The following AGBL4 variants were observed in gnomAD, a reference collection of about 807,000 sequenced individuals.
AGBL4 encodes the protein cytosolic carboxypeptidase 6.
A neutral mutation model predicts 66.4 loss-of-function variants in AGBL4; 58 were observed. That is an observed-to-expected ratio of 0.87 (90% CI 0.71 to 1.09). The LOEUF is 1.09. AGBL4 is among the 50% of genes least tolerant of loss of function. The pLI, the probability that AGBL4 is intolerant of heterozygous loss-of-function variation, is 0.00. For synonymous variants in AGBL4, 234 were observed against 222.9 expected (o/e 1.05, Z -0.44); for missense variants, 579 against 631.0 (o/e 0.92, Z 0.88).
intron 6 of AGBL4, among the ~76,000 whole-genome samples, chr1:48,724,902 G>C (rs1647207342): frequency 6.6e-6 from 1 of 152,052 alleles, no homozygotes; most frequent in Non-Finnish European, 1.5e-5. Flanking sequence ...ATTGATTCAG[G>C]TCCTGCCAAT....
intron 3 of AGBL4, among the ~76,000 whole-genome samples, chr1:49,504,386 C>A (rs190272151): frequency 1.3e-5 from 2 of 152,196 alleles, no homozygotes; most frequent in East Asian, 3.9e-4. Context: ...CACATTTGAT[C>A]TTAAGTATAG....
chr1:48,843,470 ACCAC>A (rs1646848383), intron 6 of AGBL4, among the ~76,000 whole-genome samples: 1 of 152,112 alleles, frequency 6.6e-6, no homozygotes, highest in Admixed American at 6.6e-5. Context: ...CTGGCCCATG[ACCAC>A]CTGTTTTTGT....
intron 1 of AGBL4, among the ~76,000 whole-genome samples, chr1:49,946,040 G>C (rs1655176014): frequency 6.6e-6 from 1 of 151,876 alleles, no homozygotes; most frequent in South Asian, 2.1e-4. Flanking sequence ...CCTAGCATTA[G>C]AGCTCCCAAA....
chr1:49,946,735 C>CA (rs200152685), intron 1 of AGBL4, among the ~76,000 whole-genome samples: 1 of 150,898 alleles, frequency 6.6e-6, no homozygotes, highest in African/African-American at 2.4e-5. Flanking sequence ...TTAAAACAAA[C>CA]AAAAAAATAT....
At position 49,988,773 on chromosome 1, in the gene AGBL4, T is replaced by C. The variant is rs1046224817; in HGVS notation, c.34+34990A>G. 3.3e-5 allele frequency among the ~76,000 whole-genome samples: 5 copies of C among 152,112 alleles called. No homozygotes were observed. The South Asian group carries it at 1.0e-3, about 31-fold the overall frequency. On this transcript the variant is annotated intron_variant, in intron 1 of 13. Coordinates refer to ENST00000371839, the MANE Select transcript of AGBL4 (RefSeq NM_032785.4). ...GCTATAAAAATCACTTCAATCCCAATGTAAATTCTCTGTAAACTCCATCCC... is the reference window on the plus strand; with the variant it reads ...GCTATAAAAATCACTTCAATCCCAACGTAAATTCTCTGTAAACTCCATCCC...
chr1:48,792,671 T>G (rs1645579199), intron 6 of AGBL4, among the ~76,000 whole-genome samples: 1 of 152,134 alleles, frequency 6.6e-6, no homozygotes, highest in Non-Finnish European at 1.5e-5. Flanking sequence ...AGCTGATACC[T>G]CAAGGATGAG....
At chr1:48,615,884 G>A (rs1481357457) in intron 9 of AGBL4, among the ~76,000 whole-genome samples, 1 of 152,188 alleles carries the variant, frequency 6.6e-6, no homozygotes, top group Non-Finnish European at 1.5e-5. Context: ...TTCAGTGTCT[G>A]GTGAGGACCT....
intron 3 of AGBL4, among the ~76,000 whole-genome samples, chr1:49,634,762 G>A (rs986020410): frequency 1.3e-4 from 20 of 152,198 alleles, no homozygotes; most frequent in Admixed American, 1.1e-3. Context: ...CATTCTAACC[G>A]GCATGAGATG....
chr1:49,711,047 G>C (rs1409078073), intron 2 of AGBL4, among the ~76,000 whole-genome samples: 1 of 151,938 alleles, frequency 6.6e-6, no homozygotes, highest in Non-Finnish European at 1.5e-5. Flanking sequence ...CACACCCATA[G>C]AATAGCTAAA....
rs908169346 is a variant in AGBL4, at chr1:49,908,443, C to T, written c.35-56925G>A. Among the ~76,000 whole-genome samples, 4 of 152,174 alleles carry T rather than the reference C, an allele frequency of 2.6e-5. No homozygotes were observed. In the East Asian group the frequency reaches 7.7e-4, roughly 29 times the overall value. ...AGTACTCGGCACCCTCCTCCCCCTT[C>T]CTCTCTATTGTTCCATGTGACATGC... On this transcript the variant is annotated intron_variant, in intron 1 of 13. Coordinates refer to ENST00000371839, the MANE Select transcript of AGBL4 (RefSeq NM_032785.4).
intron 4 of AGBL4, among the ~76,000 whole-genome samples, chr1:49,184,481 A>C (rs1388475821): frequency 6.6e-6 from 1 of 152,144 alleles, no homozygotes; most frequent in East Asian, 1.9e-4. Flanking sequence ...AAATGAGGAA[A>C]AGTACCGTCA....
chr1:48,961,426 T>G (rs983014405), intron 5 of AGBL4, among the ~76,000 whole-genome samples: 6 of 152,216 alleles, frequency 3.9e-5, no homozygotes, highest in Non-Finnish European at 8.8e-5. Context: ...TATGCTTCTT[T>G]GTCAAAGAAG....
chr1:49,300,750 T>A (rs1644730407), intron 3 of AGBL4, among the ~76,000 whole-genome samples: 1 of 152,180 alleles, frequency 6.6e-6, no homozygotes, highest in African/African-American at 2.4e-5. Flanking sequence ...CTTCCATGCC[T>A]GTGCTCTAAT....
intron 1 of AGBL4, among the ~76,000 whole-genome samples, chr1:49,856,303 AC>A (rs1400027541): frequency 6.6e-6 from 1 of 152,114 alleles, no homozygotes; most frequent in Non-Finnish European, 1.5e-5. Context: ...TCTGAAATCT[AC>A]CAAACTTTTT....
chr1:49,726,877 T>C (rs1030995710), intron 2 of AGBL4, among the ~76,000 whole-genome samples: 4 of 152,162 alleles, frequency 2.6e-5, no homozygotes, highest in South Asian at 4.1e-4. Flanking sequence ...AATCACATTA[T>C]TCTAACTAAA....
chr1:48,805,394 G>C (rs1645900424), intron 6 of AGBL4, among the ~76,000 whole-genome samples: 1 of 152,162 alleles, frequency 6.6e-6, no homozygotes, highest in African/African-American at 2.4e-5. Flanking sequence ...AGCATTTAGA[G>C]CATGCAAGGT....
chr1:49,860,167 C>T lies in AGBL4; in HGVS notation c.35-8649G>A, dbSNP rs369796363. On this transcript the variant is annotated intron_variant, in intron 1 of 13. Transcript: ENST00000371839. The stretch of plus-strand genomic sequence containing the variant: ...ATCGATCTAGAGATTCAATACAATC[C>T]CAACTGAATACTCAACCAACTGGTT... 1.4e-3 allele frequency among the ~76,000 whole-genome samples: 210 copies of T among 151,984 alleles called. 1 individual carries two copies. The highest frequency in any genetic ancestry group is 4.8e-3 in the African/African-American group (197 of 41,470).
chr1:49,029,913 C>T (rs1664067250), intron 5 of AGBL4, among the ~76,000 whole-genome samples: 2 of 152,020 alleles, frequency 1.3e-5, no homozygotes, highest in African/African-American at 2.4e-5. Context: ...GGTACCAAGA[C>T]AATAAAGTGG....
At chr1:49,798,214 G>T (rs981847346) in intron 2 of AGBL4, among the ~76,000 whole-genome samples, 3 of 152,278 alleles carry the variant, frequency 2.0e-5, no homozygotes, top group Middle Eastern at 6.8e-3. Flanking sequence ...CTTATGCTAT[G>T]AAGTGAAAAT....
Sources: gnomAD v4.1 joint callset for allele counts (sites outside exome capture counted in the v4.1 genomes callset) on GRCh38, gnomAD v4.1.1 for gene constraint, MANE v1.5 for transcripts, NCBI Gene and HGNC (gene_info 2026-07-23, HGNC 2026-07-21) for gene names.